Variants in FSTL4 observed in about 807,000 individuals in gnomAD.
FSTL4 encodes the protein follistatin like 4.
FSTL4 carries 28 observed loss-of-function variants against 78.2 expected under a neutral mutation model. The ratio of observed to expected loss-of-function variants is 0.36; its 90% CI spans 0.27 to 0.49. The LOEUF is 0.49. FSTL4 is among the 20% of genes least tolerant of loss of function. The pLI is 0.98. For missense variants in FSTL4, 922 were observed against 1,084.9 expected (o/e 0.85, Z 2.11); for synonymous variants, 422 against 440.5 (o/e 0.96, Z 0.53).
intron 3 of FSTL4, chr5:133,427,717 T>A (rs773307020): frequency 2.0e-6 from 1 of 511,404 alleles, no homozygotes; most frequent in South Asian, 1.4e-5. Flanking sequence ...CTGAGTTAGG[T>A]TACAAAGCTG....
chr5:133,462,707 C>T (rs39891), intron 3 of FSTL4, among the ~76,000 whole-genome samples: 1 of 152,132 alleles, frequency 6.6e-6, no homozygotes. Context: ...TGACTCTGCA[C>T]GGTCCAGCTG....
At chr5:133,293,669 C>T (rs72803131) in intron 6 of FSTL4, among the ~76,000 whole-genome samples, 24,529 of 152,090 alleles carry the variant, frequency 0.16, 2,429 homozygotes, top group East Asian at 0.26. Context: ...TACTGTATAC[C>T]GGCCAGATGC....
chr5:133,786,021 T>C, the FSTL4 span, among the ~76,000 whole-genome samples: 1 of 152,200 alleles, frequency 6.6e-6, no homozygotes, highest in Non-Finnish European at 1.5e-5. Context: ...ACACCCACGA[T>C]GTGCTGGCAT....
At chr5:133,267,971 A>G (rs148321773) in intron 6 of FSTL4, among the ~76,000 whole-genome samples, 31 of 152,354 alleles carry the variant, frequency 2.0e-4, no homozygotes, top group African/African-American at 7.5e-4. Flanking sequence ...CTGACTCTGG[A>G]GGAATTTGCT....
At chr5:133,598,662 G>A (rs988273230) in intron 2 of FSTL4, among the ~76,000 whole-genome samples, 7 of 152,150 alleles carry the variant, frequency 4.6e-5, no homozygotes, top group South Asian at 2.1e-4. Flanking sequence ...AACCAGCACC[G>A]CACCTGCAGA....
At chr5:133,531,669 A>G (rs1013124703) in intron 3 of FSTL4, among the ~76,000 whole-genome samples, 13 of 152,240 alleles carry the variant, frequency 8.5e-5, no homozygotes, top group Non-Finnish European at 1.8e-4. Context: ...GAAATGAGAA[A>G]GTAGAAAGGG....
the FSTL4 span, among the ~76,000 whole-genome samples, chr5:133,626,676 C>G: frequency 6.6e-6 from 1 of 151,844 alleles, no homozygotes; most frequent in African/African-American, 2.4e-5. Flanking sequence ...TGTTATGTTT[C>G]CAATTGTTTG....
intron 15 of FSTL4, 21 bp downstream of exon 15, chr5:133,201,912 G>A: frequency 4.2e-6 from 6 of 1,415,310 alleles, no homozygotes; most frequent in Non-Finnish European, 5.9e-6. Context: ...GTGCCTTAGA[G>A]GCATCATGGG....
At chr5:133,257,668 G>T (rs1449620806) in intron 6 of FSTL4, among the ~76,000 whole-genome samples, 2 of 152,158 alleles carry the variant, frequency 1.3e-5, no homozygotes, top group African/African-American at 4.8e-5. Context: ...ATCAGAAGGA[G>T]CAAAGGGTCC....
chr5:133,465,925 A>G (rs1481566244), intron 3 of FSTL4, among the ~76,000 whole-genome samples: 1 of 152,266 alleles, frequency 6.6e-6, no homozygotes, highest in East Asian at 1.9e-4. Flanking sequence ...CGTAGAGACC[A>G]GACCTCTAAT....
the FSTL4 span, among the ~76,000 whole-genome samples, chr5:133,695,766 C>A: frequency 6.6e-6 from 1 of 152,146 alleles, no homozygotes; most frequent in Non-Finnish European, 1.5e-5. Flanking sequence ...CCAAAGGCAA[C>A]CCCCTCCCCT....
chr5:133,293,133 C>T (rs552385491), intron 6 of FSTL4, among the ~76,000 whole-genome samples: 7 of 152,362 alleles, frequency 4.6e-5, no homozygotes, highest in Admixed American at 1.3e-4. Flanking sequence ...TCCGGCACCC[C>T]CAGAGCTAAG....
chr5:133,707,571 C>T, the FSTL4 span, among the ~76,000 whole-genome samples: 1 of 152,230 alleles, frequency 6.6e-6, no homozygotes, highest in African/African-American at 2.4e-5. Flanking sequence ...GCCCAGAGCT[C>T]TGCATCTGAA....
the FSTL4 span, among the ~76,000 whole-genome samples, chr5:133,732,327 G>T: frequency 2.6e-5 from 4 of 152,144 alleles, no homozygotes; most frequent in Admixed American, 2.0e-4. Context: ...TGCACAGGGG[G>T]TCAATCCACA....
rs757767920 is a variant in FSTL4, at chr5:133,233,496, G to C, written c.936C>G (p.Thr312=). ...AGGTGTAATTGCCCATGTGGATGGT[G>C]GTCACCTTGGTGATGTACAGGGAAT... ...EDDSLYITKV[T]TIHMGNYTCH... is the part of the protein sequence containing the mutation. The change falls in exon 8 of 16, where the codon ACC becomes ACG. Residue 312 remains threonine, a synonymous_variant. Coordinates refer to ENST00000265342, the MANE Select transcript of FSTL4 (RefSeq NM_015082.2). 19 of 1,613,978 alleles carry C rather than the reference G, an allele frequency of 1.2e-5. No homozygotes were observed. In the Middle Eastern group the frequency reaches 6.6e-4, roughly 56 times the overall value.
chr5:133,671,739 CA>C, the FSTL4 span, among the ~76,000 whole-genome samples: 28 of 152,152 alleles, frequency 1.8e-4, no homozygotes, highest in African/African-American at 6.0e-4. Flanking sequence ...GAGGCAAAGG[CA>C]GAGGAAAACA....
intron 3 of FSTL4, among the ~76,000 whole-genome samples, chr5:133,547,240 C>CTG (rs767273106): frequency 7.9e-5 from 12 of 151,332 alleles, no homozygotes; most frequent in South Asian, 2.1e-4. Flanking sequence ...GTCTGTCTGT[C>CTG]TCTCTCTCTC....
chr5:133,553,307 C>G (rs1363375550), intron 3 of FSTL4, among the ~76,000 whole-genome samples: 3 of 152,146 alleles, frequency 2.0e-5, no homozygotes, highest in Non-Finnish European at 2.9e-5. Flanking sequence ...CCACATGTTC[C>G]CCTCCCATCA....
chr5:133,706,421 A>C, the FSTL4 span, among the ~76,000 whole-genome samples: 1 of 152,220 alleles, frequency 6.6e-6, no homozygotes, highest in Non-Finnish European at 1.5e-5. Context: ...CATCTTAGTT[A>C]AAAGAAAATT....
Sources: gnomAD v4.1 joint callset for allele counts (sites outside exome capture counted in the v4.1 genomes callset) on GRCh38, gnomAD v4.1.1 for gene constraint, MANE v1.5 for transcripts, NCBI Gene and HGNC (gene_info 2026-07-23, HGNC 2026-07-21) for gene names.